FH: variants seen among roughly 807,000 people sequenced by gnomAD.
FH encodes fumarate hydratase, mitochondrial.
In FH, 22 loss-of-function variants were observed where a neutral mutation model predicts 49.4. The observed-to-expected ratio is 0.45, with a 90% confidence interval of 0.32 to 0.64. The LOEUF (loss-of-function observed/expected upper bound fraction) is 0.64, where lower values mean the gene tolerates loss of function less well. Among genes scored for constraint, FH ranks in the 30% least tolerant of loss-of-function variants. FH has a pLI of 0.05. For synonymous variants in FH, 208 were observed against 223.0 expected (o/e 0.93, Z 0.60); for missense variants, 526 against 641.5 (o/e 0.82, Z 1.95).
rs1484545927 is a variant in FH at position 241,497,935 on chromosome 1, G to A, written c.1426C>T (p.His476Tyr). 3.7e-6 allele frequency: 6 copies of A among 1,613,270 alleles called. No individual in the cohort carries two copies. The highest frequency in any genetic ancestry group is 1.7e-4 in the Middle Eastern group (1 of 6,044). ...TCCTTTAAGGTTGATCCATTTTTGT[G>A]TGCTGTCTTAGCAATCTTTGCTGCC... Reference protein sequence around the residue: ...DKAAKIAKTAHKNGSTLKETA... With the variant: ...DKAAKIAKTAYKNGSTLKETA... The change falls in exon 10 of 10, where the codon CAC (histidine) becomes TAC (tyrosine). Residue 476 changes from histidine to tyrosine, a missense_variant. This residue lies in a region of FH where 383 missense variants were observed against 514.0 expected (regional missense o/e 0.75). Coordinates refer to ENST00000366560, the MANE Select transcript of FH (RefSeq NM_000143.4).
chr1:241,511,179 G>A (rs1216078698), intron 4 of FH, among the ~76,000 whole-genome samples: 1 of 152,166 alleles, frequency 6.6e-6, no homozygotes, highest in East Asian at 1.9e-4. Context: ...AAGCTCTCAT[G>A]AACGGAATTA....
chr1:241,513,001 T>C (rs941711698), intron 3 of FH, among the ~76,000 whole-genome samples: 1 of 152,054 alleles, frequency 6.6e-6, no homozygotes, highest in African/African-American at 2.4e-5. Context: ...GTAAAATACA[T>C]ATATTTTTGC....
chr1:241,499,175 G>A (rs1318034464), intron 9 of FH, among the ~76,000 whole-genome samples: 1 of 152,138 alleles, frequency 6.6e-6, no homozygotes, highest in Non-Finnish European at 1.5e-5. Flanking sequence ...GGTACATAAT[G>A]AGAATATAGG....
At chr1:241,498,692 A>AAC (rs1659685306) in intron 9 of FH, among the ~76,000 whole-genome samples, 1 of 54,144 alleles carries the variant, frequency 1.8e-5, no homozygotes, top group Non-Finnish European at 3.4e-5. Flanking sequence ...AAGCTGTCTT[A>AAC]ACATATATAT....
At chr1:241,519,442 C>T in intron 1 of FH, 149 bp downstream of exon 1, 5 of 988,756 alleles carry the variant, frequency 5.1e-6, no homozygotes, top group Non-Finnish European at 7.0e-6. Context: ...CCGGGAGGCC[C>T]GCCACGCCGG....
In FH at chr1:241,513,018, T is replaced by G. The variant is rs1303853806; in HGVS notation, c.378+585A>C. ...AAAATACATATATTTTTGCAAACTT[T>G]CCTCCCTATTTCTCATAGGCTAGGC... On this transcript the variant is annotated intron_variant, in intron 3 of 9. Transcript: ENST00000366560. Among the ~76,000 whole-genome samples, 6 of 152,054 alleles carry G rather than the reference T, an allele frequency of 3.9e-5. No individual in the cohort carries two copies. The East Asian group carries it at 1.2e-3, about 29-fold the overall frequency.
intron 9 of FH, among the ~76,000 whole-genome samples, chr1:241,499,553 A>T (rs921899393): frequency 5.3e-5 from 8 of 152,222 alleles, no homozygotes; most frequent in Non-Finnish European, 8.8e-5. Context: ...AATGAGCTCT[A>T]ATTTTAAAAA....
intron 9 of FH, among the ~76,000 whole-genome samples, chr1:241,498,719 ATATATATATATATATATATATATG>A (rs1387478374): frequency 9.8e-6 from 1 of 101,890 alleles, no homozygotes; most frequent in African/African-American, 3.7e-5. Flanking sequence ...ATATATATAT[ATATATATATATATATATATATATG>A]TCAAGAAGAA....
intron 9 of FH, 36 bp downstream of exon 9, chr1:241,500,401 C>A (rs200274147): frequency 1.2e-6 from 2 of 1,601,238 alleles, no homozygotes; most frequent in East Asian, 2.2e-5. Context: ...TTTAATTTTG[C>A]ATTCAAAATG....
chr1:241,508,776 C>A lies in FH; in HGVS notation c.565G>T (p.Asp189Tyr). The A allele has an allele frequency of 6.2e-7, 1 of 1,613,330 alleles. No homozygotes were observed. Among genetic ancestry groups the A allele is most frequent in the Non-Finnish European group, 8.5e-7 (1 of 1,179,574 alleles). ...ATGTGCATTGCTGTGGGAAAAGTAT[C>A]ATTTGAGCTCTGTTGGAAATTTTTC... is the stretch of plus-strand genomic sequence containing the variant. ...DHVNKSQSSN[D>Y]TFPTAMHIAA... Residue 189 changes from aspartate (D) to tyrosine (Y), a missense_variant, in exon 5 of 10, where the codon GAT becomes TAT. Physicochemically the swap from Asp to Tyr is radical, Grantham distance 160. Around this residue, in one of 2 missense-constraint regions of FH, gnomAD observed 383 missense variants for 514.0 expected, o/e 0.75. Coordinates refer to ENST00000366560, the MANE Select transcript of FH (RefSeq NM_000143.4).
chr1:241,498,608 G>C (rs1202150998), intron 9 of FH, among the ~76,000 whole-genome samples: 1 of 148,750 alleles, frequency 6.7e-6, no homozygotes, highest in East Asian at 2.0e-4. Context: ...CTGCACAAAA[G>C]ATCACAGGCA....
At chr1:241,508,468 G>T in intron 5 of FH, 135 bp downstream of exon 5, 2 of 732,460 alleles carry the variant, frequency 2.7e-6, no homozygotes, top group South Asian at 3.0e-5. Context: ...TTACTGATTG[G>T]TTGAACAGAA....
In FH at chr1:241,500,448, T is replaced by C. The variant is rs767253363; in HGVS notation, c.1379A>G (p.Asn460Ser). Residue 460 changes from asparagine to serine, a missense_variant, in exon 9 of 10, where the codon AAT becomes AGT. This residue lies in a region of FH where 383 missense variants were observed against 514.0 expected (regional missense o/e 0.75). Coordinates refer to ENST00000366560, the MANE Select transcript of FH (RefSeq NM_000143.4). The stretch of plus-strand genomic sequence containing the variant: ...CCTTAAACACTTACCTATATGAGGA[T>C]TGAGAGCTGTCACCAACATTAGAGA... ...NESLMLVTAL[N>S]PHIGYDKAAK... 2.5e-6 allele frequency: 4 copies of C among 1,613,836 alleles called. No individual in the cohort carries two copies. The South Asian group carries it at 3.3e-5, about 13-fold the overall frequency.
chr1:241,515,263 G>A (rs1263077252), intron 2 of FH, among the ~76,000 whole-genome samples: 1 of 152,060 alleles, frequency 6.6e-6, no homozygotes, highest in Admixed American at 6.5e-5. Flanking sequence ...TTTCACAGGT[G>A]TGCAATCCCA....
chr1:241,498,694 C>CATATACATATATAT (rs1659686126), intron 9 of FH, among the ~76,000 whole-genome samples: 1 of 53,166 alleles, frequency 1.9e-5, no homozygotes, highest in Non-Finnish European at 3.6e-5. Context: ...GCTGTCTTAA[C>CATATACATATATAT]ATATATATAT....
chr1:241,499,573 A>T (rs1659714941), intron 9 of FH, among the ~76,000 whole-genome samples: 1 of 152,240 alleles, frequency 6.6e-6, no homozygotes, highest in Non-Finnish European at 1.5e-5. Flanking sequence ...AACTGTAATT[A>T]TAGCTTGATG....
intron 7 of FH, among the ~76,000 whole-genome samples, 163 bp downstream of exon 7, chr1:241,503,879 G>A (rs550431781): frequency 4.6e-5 from 7 of 152,246 alleles, no homozygotes; most frequent in Non-Finnish European, 8.8e-5. Flanking sequence ...GTCAGGTGAC[G>A]TGCCCAGCAG....
chr1:241,503,873 G>A (rs1251671821), intron 7 of FH, among the ~76,000 whole-genome samples, 169 bp downstream of exon 7: 1 of 152,248 alleles, frequency 6.6e-6, no homozygotes, highest in East Asian at 1.9e-4. Context: ...TATCTTGTCA[G>A]GTGACGTGCC....
intron 9 of FH, 90 bp from the exon 10 acceptor site, chr1:241,498,060 G>T: frequency 8.1e-7 from 1 of 1,236,450 alleles, no homozygotes; most frequent in Non-Finnish European, 1.2e-6. Context: ...ACTTGATATT[G>T]ATGCTATATG....
Sources: gnomAD v4.1 joint callset for allele counts (sites outside exome capture counted in the v4.1 genomes callset) on GRCh38, gnomAD v4.1.1 for gene constraint, gnomAD v4.1.1 regional missense constraint, MANE v1.5 for transcripts, NCBI Gene and HGNC (gene_info 2026-07-23, HGNC 2026-07-21) for gene names.